The following PRTG variants were observed in gnomAD, a reference collection of about 807,000 sequenced individuals.
PRTG encodes the protein immunoglobulin superfamily, DCC subclass, member 5.
Under a neutral mutation model 122.5 loss-of-function variants are expected in PRTG, and 67 were observed. That is an observed-to-expected ratio of 0.55 (90% CI 0.45 to 0.67). The LOEUF is 0.67. PRTG is among the 30% of genes least tolerant of loss of function. PRTG has a pLI of 0.00. For missense variants in PRTG, 1,435 were observed against 1,415.4 expected (o/e 1.01, Z -0.22); for synonymous variants, 554 against 501.1 (o/e 1.11, Z -1.41).
chr15:55,684,783 A>T (rs2059561276), intron 2 of PRTG, among the ~76,000 whole-genome samples: 1 of 152,198 alleles, frequency 6.6e-6, no homozygotes, highest in Non-Finnish European at 1.5e-5. Context: ...CTCTATCTGG[A>T]ATCAGATGAA....
chr15:55,674,630 G>C (rs2059491866), intron 9 of PRTG, among the ~76,000 whole-genome samples: 1 of 152,050 alleles, frequency 6.6e-6, no homozygotes, highest in Non-Finnish European at 1.5e-5. Flanking sequence ...TTTATTCTAA[G>C]TCTGATTTTA....
chr15:55,689,233 C>A (rs908612897), intron 2 of PRTG, among the ~76,000 whole-genome samples: 3 of 152,106 alleles, frequency 2.0e-5, no homozygotes, highest in Admixed American at 2.0e-4. Flanking sequence ...CTTCTAAAAC[C>A]AACAAGGAAA....
chr15:55,710,446 G>T (rs1595669146), intron 2 of PRTG, among the ~76,000 whole-genome samples: 1 of 152,332 alleles, frequency 6.6e-6, no homozygotes, highest in East Asian at 1.9e-4. Flanking sequence ...CCAGGGAAAA[G>T]TGTTCTCTTA....
chr15:55,695,179 G>C (rs1339860381), intron 2 of PRTG, among the ~76,000 whole-genome samples: 1 of 151,898 alleles, frequency 6.6e-6, no homozygotes, highest in Non-Finnish European at 1.5e-5. Context: ...ACTTTTATTT[G>C]ACTAGAAAGC....
At chr15:55,654,081 T>G (rs944106353) in intron 11 of PRTG, among the ~76,000 whole-genome samples, 1 of 152,194 alleles carries the variant, frequency 6.6e-6, no homozygotes, top group Non-Finnish European at 1.5e-5. Context: ...GAAAGTGAGA[T>G]TGGAAGGTCC....
intron 2 of PRTG, among the ~76,000 whole-genome samples, chr15:55,722,628 T>C (rs1193208787): frequency 6.6e-6 from 1 of 152,242 alleles, no homozygotes; most frequent in South Asian, 2.1e-4. Context: ...ATTAGGCTTG[T>C]AGTTTCCAGA....
Position 55,742,999 on chromosome 15 carries a change from G to C in PRTG, c.-68C>G, listed in dbSNP as rs2031669177. 5.8e-6 allele frequency: 8 copies of C among 1,386,890 alleles called. No homozygotes were observed. Among genetic ancestry groups the C allele is most frequent in the Non-Finnish European group, 6.5e-6 (7 of 1,075,394 alleles). The allele number at this position is 1,386,890 out of a possible 1,614,324, so 85.9% of individuals were successfully genotyped here. A position where few individuals can be genotyped will look rare whatever the true frequency, so the allele number is the denominator to read the frequency against. ...CCTGTCCGTCTGCGGCCCCCGCCCC[G>C]GGCGCTCTCTGCTCTGCGGCTGGTC... On this transcript the variant is annotated 5_prime_UTR_variant, in exon 1 of 20. Transcript: ENST00000389286.
intron 1 of PRTG, among the ~76,000 whole-genome samples, chr15:55,742,009 C>T (rs2031624572): frequency 6.6e-6 from 1 of 152,218 alleles, no homozygotes; most frequent in African/African-American, 2.4e-5. Context: ...ACACTTTTAT[C>T]TCTTCTAGGA....
rs1275850212 is a variant in PRTG, at chr15:55,620,066, G to A, written c.3399C>T (p.Ser1133=). ...TGDSGRFSHE[S]NDEIHLSSVI... Reference sequence around the variant, plus strand: ...CTGAGGACAGATGTATCTCATCGTTGGACTCATGAGAAAACCGCCCAGAAT... The same window carrying A: ...CTGAGGACAGATGTATCTCATCGTTAGACTCATGAGAAAACCGCCCAGAAT... The change falls in exon 20 of 20, where the codon TCC becomes TCT. Residue 1133 remains serine, a synonymous_variant. Transcript: ENST00000389286. 2.5e-6 allele frequency: 4 copies of A among 1,613,986 alleles called. No homozygotes were observed. In the Admixed American group the frequency reaches 6.7e-5, roughly 27 times the overall value.
At chr15:55,657,912 A>G (rs1486113886) in intron 11 of PRTG, among the ~76,000 whole-genome samples, 1 of 152,222 alleles carries the variant, frequency 6.6e-6, no homozygotes, top group Admixed American at 6.5e-5. Context: ...AAGCCAAAAA[A>G]AGGAAATAAA....
intron 12 of PRTG, among the ~76,000 whole-genome samples, 153 bp downstream of exon 12, chr15:55,640,960 C>CA (rs1274660967): frequency 2.0e-5 from 3 of 151,732 alleles, no homozygotes; most frequent in Non-Finnish European, 4.4e-5. Flanking sequence ...AACAAACAAA[C>CA]AAACAAAACA....
At chr15:55,690,099 A>G (rs1281808046) in intron 2 of PRTG, among the ~76,000 whole-genome samples, 2 of 152,222 alleles carry the variant, frequency 1.3e-5, no homozygotes, top group East Asian at 3.8e-4. Flanking sequence ...TCCATGAATC[A>G]CATATTAATA....
intron 2 of PRTG, among the ~76,000 whole-genome samples, chr15:55,732,238 G>C (rs557362778): frequency 1.3e-5 from 2 of 152,174 alleles, no homozygotes; most frequent in Non-Finnish European, 2.9e-5. Flanking sequence ...ACCCAGGCTA[G>C]AGTGCAGTGA....
chr15:55,659,102 A>T (rs947886359), intron 11 of PRTG, among the ~76,000 whole-genome samples: 2 of 152,228 alleles, frequency 1.3e-5, no homozygotes, highest in African/African-American at 4.8e-5. Context: ...ATAAAGGTCA[A>T]TGGAGTCAGC....
In PRTG at chr15:55,615,474, T is replaced by C. The variant is rs1210569189; in HGVS notation, c.*4538A>G. The C allele has an allele frequency of 6.6e-6, 1 of 152,146 alleles. No individual in the cohort carries two copies. The allele number at this position is 152,146 out of a possible 1,614,324, so 9.4% of individuals were successfully genotyped here. A position where few individuals can be genotyped will look rare whatever the true frequency, so the allele number is the denominator to read the frequency against. On this transcript the variant is annotated 3_prime_UTR_variant, in exon 20 of 20. Transcript: ENST00000389286. ...TGCATTAGCCTGTGATCTTATGTCC[T>C]GAGCATAAATCAACTTAACACAGAA...
intron 2 of PRTG, among the ~76,000 whole-genome samples, chr15:55,709,247 T>A (rs2030282040): frequency 1.4e-5 from 2 of 145,118 alleles, no homozygotes; most frequent in Non-Finnish European, 3.0e-5. Context: ...TAATTATGAG[T>A]GAAAGGACAT....
intron 2 of PRTG, among the ~76,000 whole-genome samples, chr15:55,690,626 C>T (rs775224250): frequency 5.3e-5 from 8 of 151,942 alleles, no homozygotes; most frequent in Non-Finnish European, 1.0e-4. Flanking sequence ...GATGCTCAAC[C>T]GGCGTAATGC....
In PRTG at chr15:55,652,940, T is replaced by C. The variant is rs572711911; in HGVS notation, c.2042-11732A>G. On this transcript the variant is annotated intron_variant, in intron 11 of 19. Transcript: ENST00000389286. ...AAAATAATATCTTACATGAAGGTAC[T>C]AGTATGCTGATTTAAAAACAGGTTT... 6.2e-4 allele frequency among the ~76,000 whole-genome samples: 94 copies of C among 152,286 alleles called. 1 individual carries two copies. The highest frequency in any genetic ancestry group is 1.0e-3 in the Non-Finnish European group (68 of 68,016).
chr15:55,639,582 G>C, intron 13 of PRTG, 60 bp downstream of exon 13: 2 of 1,458,212 alleles, frequency 1.4e-6, no homozygotes, highest in Non-Finnish European at 1.9e-6. Context: ...AGAGGTAGAA[G>C]TTGGAGTGGG....
Sources: allele counts gnomAD v4.1 joint callset (sites outside exome capture counted in the v4.1 genomes callset), GRCh38; gene constraint gnomAD v4.1.1; transcripts MANE v1.5; gene names NCBI Gene and HGNC (gene_info 2026-07-23, HGNC 2026-07-21).